The following TMEM273 variants were observed in gnomAD, a reference collection of about 807,000 sequenced individuals.
The protein encoded by TMEM273 is transmembrane protein 273, also known as chromosome 10 open reading frame 128.
TMEM273 carries 19 observed loss-of-function variants against 17.9 expected under a neutral mutation model. The ratio of observed to expected loss-of-function variants is 1.06; its 90% CI spans 0.74 to 1.55. The LOEUF (loss-of-function observed/expected upper bound fraction) is 1.55. TMEM273 is among the 40% of genes most tolerant of loss of function. The pLI is 0.00. For missense variants in TMEM273, 194 were observed against 155.6 expected, an observed-to-expected ratio of 1.25 and a Z score of -1.31; for synonymous variants, 66 against 62.0, an observed-to-expected ratio of 1.07 and a Z score of -0.31.
At chr10:49,171,223 G>A (rs1051132290) in intron 1 of TMEM273, among the ~76,000 whole-genome samples, 10 of 152,314 alleles carry the variant, frequency 6.6e-5, no homozygotes, top group African/African-American at 2.2e-4. Flanking sequence ...CACAGTTCTG[G>A]CCAAATCTGG....
intron 6 of TMEM273, chr10:49,161,341 G>T: frequency 1.8e-6 from 1 of 563,328 alleles, no homozygotes; most frequent in Non-Finnish European, 3.2e-6. Context: ...TACCTATCCT[G>T]TTAAAACCAT....
chr10:49,163,218 C>T (rs980626667), intron 5 of TMEM273, among the ~76,000 whole-genome samples: 11 of 152,004 alleles, frequency 7.2e-5, no homozygotes, highest in East Asian at 3.9e-4. Context: ...GGGAGCAGTT[C>T]GGCATGTTTC....
intron 1 of TMEM273, among the ~76,000 whole-genome samples, chr10:49,172,413 G>A (rs1303155701): frequency 1.3e-5 from 2 of 152,200 alleles, no homozygotes. Context: ...AGTGGGAACA[G>A]GGTGCAGAGT....
chr10:49,154,904 G>A lies in TMEM273; in HGVS notation c.*988C>T, dbSNP rs367567647. On this transcript the variant is annotated 3_prime_UTR_variant, in exon 7 of 7. Transcript: ENST00000374153. Reference sequence around the variant, plus strand: ...GCAAATCATGACAACACAGCACTTTGTTCTGAAATATAGCTCATCTTTCAT... The same window carrying A: ...GCAAATCATGACAACACAGCACTTTATTCTGAAATATAGCTCATCTTTCAT... 2.0e-5 allele frequency: 3 copies of A among 152,208 alleles called. No individual in the cohort carries two copies. The highest frequency in any genetic ancestry group is 6.5e-5 in the Admixed American group (1 of 15,284). The allele number at this position is 152,208 out of a possible 1,614,324, so 9.4% of individuals were successfully genotyped here. A position where few individuals can be genotyped will look rare whatever the true frequency, so the allele number is the denominator to read the frequency against.
At chr10:49,179,612 A>G (rs1049760655) in intron 1 of TMEM273, among the ~76,000 whole-genome samples, 1 of 152,218 alleles carries the variant, frequency 6.6e-6, no homozygotes, top group Non-Finnish European at 1.5e-5. Context: ...TATTATATTA[A>G]AAAAACAAAT....
At chr10:49,178,147 CAGGGCTCATCA>C in intron 1 of TMEM273, 1 of 457,150 alleles carries the variant, frequency 2.2e-6, no homozygotes, top group Non-Finnish European at 4.4e-6. Flanking sequence ...AATGTCCTCC[CAGGGCTCATCA>C]AGCCCTCCTC....
At chr10:49,164,302 C>T (rs2003044) in intron 5 of TMEM273, among the ~76,000 whole-genome samples, 37,643 of 152,052 alleles carry the variant, frequency 0.25, 4,951 homozygotes, top group Admixed American at 0.34. Flanking sequence ...TCCCTCATCC[C>T]AGGTCCCTGG....
chr10:49,161,409 C>T (rs1422823338), intron 6 of TMEM273, 190 bp downstream of exon 6: 2 of 659,724 alleles, frequency 3.0e-6, no homozygotes, highest in Non-Finnish European at 5.4e-6. Context: ...TTGCCAAGTA[C>T]CATCATGTCC....
At chr10:49,159,595 C>A (rs970742662) in intron 6 of TMEM273, among the ~76,000 whole-genome samples, 1 of 152,120 alleles carries the variant, frequency 6.6e-6, no homozygotes, top group African/African-American at 2.4e-5. Flanking sequence ...CGTGACTCTG[C>A]CCATTGAAAG....
chr10:49,176,968 C>G (rs1000230175), intron 1 of TMEM273, among the ~76,000 whole-genome samples: 12 of 152,244 alleles, frequency 7.9e-5, no homozygotes, highest in African/African-American at 2.9e-4. Flanking sequence ...CCGAAGTCCC[C>G]CTGACCCCAT....
At chr10:49,177,876 C>A (rs1264225140) in intron 1 of TMEM273, among the ~76,000 whole-genome samples, 3 of 152,154 alleles carry the variant, frequency 2.0e-5, no homozygotes, top group Non-Finnish European at 4.4e-5. Context: ...GGATGGACAC[C>A]AGTTTACTCA....
intron 5 of TMEM273, among the ~76,000 whole-genome samples, chr10:49,164,830 C>G (rs1184452847): frequency 6.6e-6 from 1 of 152,002 alleles, no homozygotes; most frequent in African/African-American, 2.4e-5. Context: ...CTGCCATAGA[C>G]CTCCCGGGAC....
intron 4 of TMEM273, 82 bp from the exon 5 acceptor site, chr10:49,165,365 T>G: frequency 6.5e-7 from 1 of 1,546,922 alleles, no homozygotes; most frequent in Non-Finnish European, 8.7e-7. Flanking sequence ...GTGGGCTCTG[T>G]GCAGAAGAGC....
chr10:49,184,952 C>T (rs868715248), intron 1 of TMEM273, among the ~76,000 whole-genome samples: 12 of 152,328 alleles, frequency 7.9e-5, no homozygotes, highest in Non-Finnish European at 1.3e-4. Context: ...ATTATCAGAA[C>T]GGGTAGATAA....
At chr10:49,171,119 G>A (rs969971842) in intron 1 of TMEM273, among the ~76,000 whole-genome samples, 9 of 152,232 alleles carry the variant, frequency 5.9e-5, no homozygotes, top group Non-Finnish European at 4.4e-5. Flanking sequence ...GGAGGAGGGA[G>A]CTTGGCACCC....
chr10:49,183,206 T>C (rs1300120327), intron 1 of TMEM273, among the ~76,000 whole-genome samples: 1 of 152,208 alleles, frequency 6.6e-6, no homozygotes, highest in African/African-American at 2.4e-5. Flanking sequence ...ATAGATTATA[T>C]AAAAGTATTT....
intron 1 of TMEM273, among the ~76,000 whole-genome samples, chr10:49,173,698 C>A (rs1195624087): frequency 2.0e-5 from 3 of 152,190 alleles, no homozygotes; most frequent in Non-Finnish European, 2.9e-5. Context: ...TGCATGAGAG[C>A]CCTCGGAAGC....
At chr10:49,182,180 A>T (rs1052852657) in intron 1 of TMEM273, among the ~76,000 whole-genome samples, 1 of 152,200 alleles carries the variant, frequency 6.6e-6, no homozygotes, top group African/African-American at 2.4e-5. Context: ...CAGCAAAATA[A>T]AACAAATGTA....
chr10:49,186,595 T>C (rs1847744134), intron 1 of TMEM273, among the ~76,000 whole-genome samples: 1 of 152,208 alleles, frequency 6.6e-6, no homozygotes, highest in East Asian at 1.9e-4. Flanking sequence ...CAGATTTCAT[T>C]TTCCCAATAG....
Sources: gnomAD v4.1 joint callset for allele counts (sites outside exome capture counted in the v4.1 genomes callset) on GRCh38, gnomAD v4.1.1 for gene constraint, MANE v1.5 for transcripts, NCBI Gene and HGNC (gene_info 2026-07-23, HGNC 2026-07-21) for gene names.